ZFP28: variants seen among roughly 807,000 people sequenced by gnomAD.
ZFP28 encodes the protein zinc finger protein 28 homolog.
In ZFP28, 31 loss-of-function variants were observed where a neutral mutation model predicts 39.5. The observed-to-expected ratio is 0.79, with a 90% CI of 0.59 to 1.06. The LOEUF (loss-of-function observed/expected upper bound fraction) is 1.06. Among genes scored for constraint, ZFP28 ranks in the 50% least tolerant of loss-of-function variants. The pLI, the probability that ZFP28 is intolerant of heterozygous loss-of-function variation, is 0.00. For synonymous variants in ZFP28, 400 were observed against 378.6 expected (o/e 1.06, Z -0.66); for missense variants, 925 against 1,048.4 (o/e 0.88, Z 1.63).
Position 56,540,048 on chromosome 19 carries a change from T to C in ZFP28, c.300+332T>C, listed in dbSNP as rs148682780. Among the ~76,000 whole-genome samples the C allele has an allele frequency of 3.4e-3, 523 of 152,340 alleles. 7 individuals are homozygous for C. The highest frequency in any genetic ancestry group is 0.012 in the African/African-American group (501 of 41,574). On this transcript the variant is annotated intron_variant, in intron 2 of 7. Transcript: ENST00000301318. ...ACTCTTCTGCTATACATGGTTTGTTTGGTGACCACTTTGTGCCAGCCACTG... is the reference window on the plus strand; with the variant it reads ...ACTCTTCTGCTATACATGGTTTGTTCGGTGACCACTTTGTGCCAGCCACTG...
At chr19:56,546,385 G>A (rs1175783857) in intron 2 of ZFP28, 1 of 152,168 alleles carries the variant, frequency 6.6e-6, no homozygotes, top group Non-Finnish European at 1.5e-5. Context: ...GGCTGAATTT[G>A]TAAAACTATG....
Position 56,555,448 on chromosome 19 carries a change from G to T in ZFP28, c.*56G>T. 3.3e-6 allele frequency: 5 copies of T among 1,517,412 alleles called. No individual in the cohort carries two copies. Among genetic ancestry groups the T allele is most frequent in the Non-Finnish European group, 4.4e-6 (5 of 1,138,336 alleles). The allele number at this position is 1,517,412 out of a possible 1,614,324, so 94.0% of individuals were successfully genotyped here. On this transcript the variant is annotated 3_prime_UTR_variant, in exon 8 of 8. Coordinates refer to ENST00000301318, the MANE Select transcript of ZFP28 (RefSeq NM_020828.2). ...CAGCAGTTTAAAACCCCATCTCCCT[G>T]CCCTTTTGTTTTCTTTTTGTCCCTT... is the stretch of plus-strand genomic sequence containing the variant.
Position 56,539,667 on chromosome 19 carries a change from A to G in ZFP28, c.251A>G (p.Lys84Arg), listed in dbSNP as rs2044177588. ...RDTALPQERN[K>R]KLEAVGTGIE... The stretch of plus-strand genomic sequence containing the variant: ...ACTGCTCTTCCCCAGGAGAGAAACA[A>G]GAAGCTGGAGGCTGTGGGGACAGGA... The change falls in exon 2 of 8, where the codon AAG (lysine) becomes AGG (arginine). Residue 84 changes from lysine to arginine, a missense_variant. This residue lies in a region of ZFP28 where 556 missense variants were observed against 542.9 expected (regional missense o/e 1.02). Coordinates refer to ENST00000301318, the MANE Select transcript of ZFP28 (RefSeq NM_020828.2). 6.2e-7 allele frequency: 1 copy of G among 1,614,150 alleles called. No homozygotes were observed. Among genetic ancestry groups the G allele is most frequent in the Non-Finnish European group, 8.5e-7 (1 of 1,180,014 alleles).
chr19:56,547,437 T>C lies in ZFP28; in HGVS notation c.301-71T>C. 6.2e-7 allele frequency: 1 copy of C among 1,609,542 alleles called. No homozygotes were observed. Among genetic ancestry groups the C allele is most frequent in the Admixed American group, 1.7e-5 (1 of 59,532 alleles). ...AGTTTTGTCAGGGGACACATTTCTTTCTATAACAAACCCCCAGTCATGTGG... is the reference window on the plus strand; with the variant it reads ...AGTTTTGTCAGGGGACACATTTCTTCCTATAACAAACCCCCAGTCATGTGG... On this transcript the variant is annotated intron_variant, in intron 2 of 7. Transcript: ENST00000301318. This position sits in a 1 kb window ranked among gnomAD's most constrained non-coding sequence, Gnocchi z 4.6.
intron 7 of ZFP28, chr19:56,552,447 G>A (rs2044312448): frequency 1.3e-5 from 2 of 152,102 alleles, no homozygotes; most frequent in Admixed American, 1.3e-4. Flanking sequence ...TTACGATGTT[G>A]AGAATATGTG....
intron 7 of ZFP28, among the ~76,000 whole-genome samples, chr19:56,553,330 C>CCTG (rs1409654725): frequency 6.6e-6 from 1 of 152,142 alleles, no homozygotes; most frequent in Non-Finnish European, 1.5e-5. Context: ...AAGCAATCCC[C>CCTG]CTGCCTTTGC....
Position 56,556,213 on chromosome 19 carries a change from T to TA in ZFP28, c.*821_*822insA, listed in dbSNP as rs2147968524. On this transcript the variant is annotated 3_prime_UTR_variant, in exon 8 of 8. Coordinates refer to ENST00000301318, the MANE Select transcript of ZFP28 (RefSeq NM_020828.2). ...AGGGTTGAAAAAAGTGAAAAGAATA[T>TA]TTTCAACATGAAAATTATATGAAAT... is the stretch of plus-strand genomic sequence containing the variant. 1 of 152,296 alleles carries TA rather than the reference T, an allele frequency of 6.6e-6. No homozygotes were observed. Among genetic ancestry groups the TA allele is most frequent in the South Asian group, 2.1e-4 (1 of 4,830 alleles). 9.4% of individuals were successfully genotyped at this position (152,296 alleles called of 1,614,324 possible). A position where few individuals can be genotyped will look rare whatever the true frequency, so the allele number is the denominator to read the frequency against.
chr19:56,540,853 C>G (rs182948047), intron 2 of ZFP28, among the ~76,000 whole-genome samples: 3 of 152,144 alleles, frequency 2.0e-5, no homozygotes, highest in Non-Finnish European at 4.4e-5. Flanking sequence ...TTTCCCTTGG[C>G]TACTGGGATC....
rs1385747501 is a variant in ZFP28, at chr19:56,539,076, G to A, written c.58G>A (p.Ala20Thr). Residue 20 changes from alanine (A) to threonine (T), a missense_variant, in exon 1 of 8, where the codon GCC becomes ACC. Ala to Thr is a moderately conservative substitution (Grantham distance 58). Transcript: ENST00000301318. ...REPTPLPGRG[A>T]PRTKPRAGRG... is the part of the protein sequence containing the mutation. ...GCCGACGCCGCTCCCGGGTAGAGGC[G>A]CCCCCCGCACAAAGCCCCGGGCGGG... 20 of 1,527,090 alleles carry A rather than the reference G, an allele frequency of 1.3e-5. No homozygotes were observed. The Admixed American group carries it at 1.8e-4, about 14-fold the overall frequency. The allele number at this position is 1,527,090 out of a possible 1,614,324, so 94.6% of individuals were successfully genotyped here. A position where few individuals can be genotyped will look rare whatever the true frequency, so the allele number is the denominator to read the frequency against.
chr19:56,552,579 A>G (rs1433523593), intron 7 of ZFP28: 1 of 152,126 alleles, frequency 6.6e-6, no homozygotes, highest in Non-Finnish European at 1.5e-5. Context: ...CTATTTTTTA[A>G]TAAGTTTGAT....
chr19:56,541,905 T>A (rs1288782154), intron 2 of ZFP28, among the ~76,000 whole-genome samples: 4 of 109,548 alleles, frequency 3.7e-5, no homozygotes, highest in East Asian at 3.4e-4. Flanking sequence ...TTTTTTTTTT[T>A]TTTTAGAGAC....
chr19:56,542,622 A>T lies in ZFP28; in HGVS notation c.300+2906A>T, dbSNP rs991175054. On this transcript the variant is annotated intron_variant, in intron 2 of 7. Transcript: ENST00000301318. ...GCAAGGATTTGGGGCAGTTTTGCCT[A>T]ATGTCTGATACAGAAAATATTTGGT... is the stretch of plus-strand genomic sequence containing the variant. Among the ~76,000 whole-genome samples the T allele has an allele frequency of 2.6e-5, 4 of 152,208 alleles. No individual in the cohort carries two copies. In the East Asian group the frequency reaches 7.7e-4, roughly 29 times the overall value.
At chr19:56,543,293 CTCTA>C (rs1206380304) in intron 2 of ZFP28, among the ~76,000 whole-genome samples, 14 of 147,904 alleles carry the variant, frequency 9.5e-5, no homozygotes, top group East Asian at 3.9e-4. Flanking sequence ...CTTTTAATGT[CTCTA>C]TCTTTGTGTG....
At chr19:56,550,013 C>A in intron 5 of ZFP28, 54 bp from the exon 6 acceptor site, 1 of 1,450,868 alleles carries the variant, frequency 6.9e-7, no homozygotes, top group Non-Finnish European at 9.5e-7. Flanking sequence ...CCACTGAGAC[C>A]AGGTGAGTTC....
intron 5 of ZFP28, among the ~76,000 whole-genome samples, chr19:56,549,476 G>C (rs903050319): frequency 3.3e-5 from 5 of 152,126 alleles, no homozygotes; most frequent in African/African-American, 1.2e-4. Context: ...AGGAGATCGA[G>C]ACCATCCTAG....
chr19:56,540,240 G>A (rs1049678422), intron 2 of ZFP28, among the ~76,000 whole-genome samples: 20 of 152,218 alleles, frequency 1.3e-4, no homozygotes, highest in Non-Finnish European at 2.2e-4. Flanking sequence ...CGGAAGGGTA[G>A]GCCTATTTAC....
intron 7 of ZFP28, chr19:56,551,406 G>A: frequency 2.0e-6 from 2 of 985,576 alleles, no homozygotes; most frequent in Non-Finnish European, 2.4e-6. Flanking sequence ...TTTTCACATA[G>A]TAGAAATTAC....
Position 56,545,135 on chromosome 19 carries a change from T to C in ZFP28, c.301-2373T>C, listed in dbSNP as rs112189322. Among the ~76,000 whole-genome samples the C allele has an allele frequency of 5.2e-3, 789 of 152,348 alleles. 2 individuals are homozygous for C. Among genetic ancestry groups the C allele is most frequent in the African/African-American group, 0.018 (744 of 41,572 alleles). On this transcript the variant is annotated intron_variant, in intron 2 of 7. Transcript: ENST00000301318. ...GTAGCCATATTAGTGTGTCTTTTGC[T>C]CAAGGACATTAAGCAGTTCTTGGCT...
chr19:56,550,734 T>C (rs536865727), intron 7 of ZFP28, 129 bp downstream of exon 7: 252 of 1,555,430 alleles, frequency 1.6e-4, no homozygotes, highest in Admixed American at 8.0e-4. Flanking sequence ...GGAAAGAAAA[T>C]TGAACTCTGG....
Sources: allele counts gnomAD v4.1 joint callset (sites outside exome capture counted in the v4.1 genomes callset), GRCh38; gene constraint gnomAD v4.1.1; regional missense constraint gnomAD v4.1.1; non-coding constraint Gnocchi (gnomAD v3.1); transcripts MANE v1.5; gene names NCBI Gene and HGNC (gene_info 2026-07-23, HGNC 2026-07-21).